LOC112694756: variants seen among roughly 807,000 people sequenced by gnomAD.
At chr16:30,068,153 C>T in the LOC112694756 span, 11 of 264,712 alleles carry the variant, frequency 4.2e-5, no homozygotes, top group Admixed American at 5.1e-4. Flanking sequence ...CAAGTTCCGC[C>T]TCCCAGGTTC....
chr16:30,064,439 T>G, the LOC112694756 span: 1 of 398,636 alleles, frequency 2.5e-6, no homozygotes, highest in Admixed American at 4.4e-5. Context: ...TGGCCAAAGA[T>G]TTATTTCTCT....
At chr16:30,060,842 C>G in the LOC112694756 span, among the ~76,000 whole-genome samples, 2 of 152,216 alleles carry the variant, frequency 1.3e-5, 1 homozygote, top group Middle Eastern at 6.3e-3. Context: ...CCCAAGGAGG[C>G]AGTTCTGTTG....
chr16:30,069,116 G>C, the LOC112694756 span: 1 of 1,440,066 alleles, frequency 6.9e-7, no homozygotes, highest in Non-Finnish European at 9.6e-7. Context: ...CTCAAGGGCT[G>C]TTGAAGGCAG....
chr16:30,060,006 T>G, the LOC112694756 span, among the ~76,000 whole-genome samples: 2 of 148,530 alleles, frequency 1.3e-5, no homozygotes, highest in Non-Finnish European at 3.0e-5. Flanking sequence ...TGAGATGGAG[T>G]CTCACTCTGT....
At chr16:30,069,657 G>T in the LOC112694756 span, 2 of 1,613,570 alleles carry the variant, frequency 1.2e-6, no homozygotes, top group Non-Finnish European at 1.7e-6. Context: ...GCCGCACAGT[G>T]CCCCCCGCTG....
the LOC112694756 span, among the ~76,000 whole-genome samples, chr16:30,062,254 T>C: frequency 6.7e-6 from 1 of 149,224 alleles, no homozygotes; most frequent in Non-Finnish European, 1.5e-5. Context: ...TTAAAATTGA[T>C]TGGGCGCAGT....
At chr16:30,064,007 G>A in the LOC112694756 span, 46 of 398,698 alleles carry the variant, frequency 1.2e-4, 1 homozygote, top group East Asian at 1.6e-3. Context: ...CTGCAGGGCA[G>A]GACTCTTGGC....
the LOC112694756 span, chr16:30,070,288 C>G: frequency 8.2e-6 from 12 of 1,461,598 alleles, no homozygotes; most frequent in Non-Finnish European, 1.1e-5. Context: ...GCCGCCTCCT[C>G]GGGGCTCCAG....
the LOC112694756 span, chr16:30,070,338 T>C: frequency 7.0e-6 from 6 of 855,276 alleles, no homozygotes; most frequent in South Asian, 1.4e-5. Context: ...GTGACAGTGG[T>C]GTGTGGTGTC....
the LOC112694756 span, chr16:30,063,969 T>C: frequency 5.0e-6 from 2 of 398,920 alleles, no homozygotes; most frequent in Middle Eastern, 1.3e-3. Context: ...GCCTGGGAAC[T>C]GGAAGTGGCA....
the LOC112694756 span, among the ~76,000 whole-genome samples, chr16:30,056,842 C>G: frequency 3.3e-5 from 5 of 151,690 alleles, no homozygotes; most frequent in Admixed American, 3.3e-4. Context: ...CTCAAGCGAT[C>G]TGCCATCCTC....
At chr16:30,062,548 A>AG in the LOC112694756 span, among the ~76,000 whole-genome samples, 1 of 150,590 alleles carries the variant, frequency 6.6e-6, no homozygotes, top group Non-Finnish European at 1.5e-5. Flanking sequence ...AAAAAAAAAA[A>AG]GTACAAAAAA....
chr16:30,056,380 GT>G, the LOC112694756 span, among the ~76,000 whole-genome samples: 3 of 151,966 alleles, frequency 2.0e-5, no homozygotes, highest in African/African-American at 7.3e-5. Context: ...AAACCTATAT[GT>G]TTTTTCTGAT....
chr16:30,054,124 A>T, the LOC112694756 span, among the ~76,000 whole-genome samples: 1 of 152,160 alleles, frequency 6.6e-6, no homozygotes, highest in East Asian at 1.9e-4. Context: ...GTTCAAGACC[A>T]GCCTGGCCAA....
chr16:30,068,477 G>A, the LOC112694756 span: 8 of 741,976 alleles, frequency 1.1e-5, no homozygotes, highest in East Asian at 1.9e-4. Context: ...AGAGGAAAGA[G>A]GGGCACGCCC....
At chr16:30,067,736 A>G in the LOC112694756 span, 3 of 1,560,514 alleles carry the variant, frequency 1.9e-6, no homozygotes, top group Non-Finnish European at 2.6e-6. Flanking sequence ...GAGGCAGGGA[A>G]TGAATGCTGG....
the LOC112694756 span, among the ~76,000 whole-genome samples, chr16:30,059,317 A>G: frequency 2.0e-5 from 3 of 151,632 alleles, no homozygotes; most frequent in Non-Finnish European, 4.4e-5. Flanking sequence ...CTAACACGGT[A>G]AAACCCCGTC....
chr16:30,063,037 A>G, the LOC112694756 span, among the ~76,000 whole-genome samples: 7 of 151,750 alleles, frequency 4.6e-5, no homozygotes, highest in African/African-American at 1.7e-4. Context: ...TCAGCTACTC[A>G]GAAGGCTGAG....
chr16:30,070,042 A>C, the LOC112694756 span: 1 of 1,613,714 alleles, frequency 6.2e-7, no homozygotes, highest in Non-Finnish European at 8.5e-7. Context: ...AAGGATAGGC[A>C]GGAGGTGGGC....
Sources: gnomAD v4.1 joint callset for allele counts (sites outside exome capture counted in the v4.1 genomes callset) on GRCh38, gnomAD v4.1.1 for gene constraint, MANE v1.5 for transcripts.